The following FTCDNL1 variants were observed in gnomAD, a reference collection of about 807,000 sequenced individuals.
FTCDNL1 encodes the protein formiminotransferase cyclodeaminase N-terminal like, also known as formiminotransferase N-terminal subdomain-containing protein.
In FTCDNL1, 11 loss-of-function variants were observed where a neutral mutation model predicts 5.9. That is an observed-to-expected ratio of 1.87 (90% CI 1.18 to 3.10). FTCDNL1 has a LOEUF of 3.10. Ranked by LOEUF, FTCDNL1 falls within the 30% of genes most tolerant of loss-of-function variation. FTCDNL1 has a pLI of 0.00. For synonymous variants in FTCDNL1, 58 were observed against 24.8 expected, an observed-to-expected ratio of 2.34 and a Z score of -3.99; for missense variants, 115 against 65.5, an observed-to-expected ratio of 1.76 and a Z score of -2.61.
intron 3 of FTCDNL1, among the ~76,000 whole-genome samples, chr2:199,776,958 A>ATATGTG (rs1263780879): frequency 1.8e-4 from 25 of 136,140 alleles, no homozygotes; most frequent in Non-Finnish European, 3.0e-4. Flanking sequence ...ATGTGTGTAT[A>ATATGTG]TGTGTGTGTG....
chr2:199,823,983 C>A (rs1255901789), intron 3 of FTCDNL1, among the ~76,000 whole-genome samples: 1 of 152,104 alleles, frequency 6.6e-6, no homozygotes, highest in East Asian at 1.9e-4. Flanking sequence ...TCATCCTTTT[C>A]TTTAAATTTT....
chr2:199,691,114 T>G, the FTCDNL1 span, among the ~76,000 whole-genome samples: 1 of 152,250 alleles, frequency 6.6e-6, no homozygotes, highest in African/African-American at 2.4e-5. Flanking sequence ...AGTGCATTTG[T>G]TTTTGGTTAA....
At chr2:199,788,757 A>G (rs1236416721) in intron 3 of FTCDNL1, among the ~76,000 whole-genome samples, 1 of 152,042 alleles carries the variant, frequency 6.6e-6, no homozygotes, top group Non-Finnish European at 1.5e-5. Context: ...CCTCCTTTGA[A>G]AAGATTATAA....
chr2:199,775,663 A>G (rs955910147), intron 3 of FTCDNL1, among the ~76,000 whole-genome samples: 1 of 152,186 alleles, frequency 6.6e-6, no homozygotes, highest in Non-Finnish European at 1.5e-5. Context: ...ATATCCACTC[A>G]TTCTCCACTG....
At chr2:199,757,760 G>A (rs1383561686), downstream of FTCDNL1, among the ~76,000 whole-genome samples, 7 of 152,074 alleles carry the variant, frequency 4.6e-5, no homozygotes, top group Admixed American at 4.6e-4. Context: ...AGCTGGTGGT[G>A]GTAGCAATTG....
At chr2:199,802,292 A>T (rs1298832729) in intron 3 of FTCDNL1, among the ~76,000 whole-genome samples, 1 of 152,226 alleles carries the variant, frequency 6.6e-6, no homozygotes, top group Non-Finnish European at 1.5e-5. Flanking sequence ...GATAATGATA[A>T]ATCTGCTCCT....
intron 3 of FTCDNL1, among the ~76,000 whole-genome samples, chr2:199,801,665 A>C (rs1464801804): frequency 6.6e-6 from 1 of 150,932 alleles, no homozygotes; most frequent in African/African-American, 2.4e-5. Flanking sequence ...AAAAAAAAGG[A>C]ATAGGCCGGG....
the FTCDNL1 span, among the ~76,000 whole-genome samples, chr2:199,703,935 G>T: frequency 6.6e-6 from 1 of 152,108 alleles, no homozygotes; most frequent in African/African-American, 2.4e-5. Context: ...TATGGATGAA[G>T]GTCTACGGAG....
At chr2:199,774,213 G>A (rs1469138023) in intron 3 of FTCDNL1, among the ~76,000 whole-genome samples, 1 of 152,160 alleles carries the variant, frequency 6.6e-6, no homozygotes, top group African/African-American at 2.4e-5. Context: ...AGGTGCAAAT[G>A]CAACCAGCAT....
chr2:199,812,868 A>G (rs1430476658), intron 4 of FTCDNL1, 144 bp from the exon 5 acceptor site: 2 of 591,580 alleles, frequency 3.4e-6, no homozygotes, highest in Non-Finnish European at 5.9e-6. Context: ...TTCAGTCGCT[A>G]TTATTTCACA....
At chr2:199,752,188 C>T in the FTCDNL1 span, among the ~76,000 whole-genome samples, 1 of 152,202 alleles carries the variant, frequency 6.6e-6, no homozygotes, top group South Asian at 2.1e-4. Context: ...GACTTCCAGG[C>T]ACAGCCAACC....
intron 3 of FTCDNL1, among the ~76,000 whole-genome samples, chr2:199,779,933 C>A (rs1699279711): frequency 6.6e-6 from 1 of 152,180 alleles, no homozygotes; most frequent in Non-Finnish European, 1.5e-5. Flanking sequence ...AGCAGAGGAC[C>A]ACAGCCTGCA....
At chr2:199,807,138 G>A (rs917191669), downstream of FTCDNL1, among the ~76,000 whole-genome samples, 1 of 152,154 alleles carries the variant, frequency 6.6e-6, no homozygotes, top group African/African-American at 2.4e-5. Context: ...CAATGGGATC[G>A]TCCTTCTTAG....
the FTCDNL1 span, among the ~76,000 whole-genome samples, chr2:199,740,969 A>G: frequency 6.6e-6 from 1 of 152,150 alleles, no homozygotes; most frequent in African/African-American, 2.4e-5. Flanking sequence ...AGTGTCTCAC[A>G]AGTCTTCATT....
the FTCDNL1 span, among the ~76,000 whole-genome samples, chr2:199,733,162 C>T: frequency 6.6e-6 from 1 of 152,110 alleles, no homozygotes; most frequent in East Asian, 1.9e-4. Flanking sequence ...ATGCAAATGC[C>T]AGGATACTGA....
the FTCDNL1 span, among the ~76,000 whole-genome samples, chr2:199,692,536 G>A: frequency 1.3e-5 from 2 of 152,210 alleles, no homozygotes; most frequent in African/African-American, 4.8e-5. Context: ...TTAGTAATGC[G>A]TTGCTGTTCT....
chr2:199,806,878 G>A (rs993176286), downstream of FTCDNL1, among the ~76,000 whole-genome samples: 4 of 152,250 alleles, frequency 2.6e-5, no homozygotes, highest in Admixed American at 6.5e-5. Context: ...AACACAAAGG[G>A]GCTGATAGAA....
chr2:199,718,891 T>C, the FTCDNL1 span, among the ~76,000 whole-genome samples: 9 of 152,110 alleles, frequency 5.9e-5, no homozygotes, highest in African/African-American at 1.9e-4. Context: ...TGATTTTTTT[T>C]ATTATTTTTT....
intron 3 of FTCDNL1, among the ~76,000 whole-genome samples, chr2:199,764,079 T>C (rs1698396401): frequency 6.6e-6 from 1 of 152,264 alleles, no homozygotes; most frequent in African/African-American, 2.4e-5. Flanking sequence ...TGACCTCAAG[T>C]GATCCATCCG....
Sources: gnomAD v4.1 joint callset for allele counts (sites outside exome capture counted in the v4.1 genomes callset) on GRCh38, gnomAD v4.1.1 for gene constraint, MANE v1.5 for transcripts, NCBI Gene and HGNC (gene_info 2026-07-23, HGNC 2026-07-21) for gene names.